The following NREP variants were observed in gnomAD, a reference collection of about 807,000 sequenced individuals.
The protein encoded by NREP is neuronal regeneration-related protein.
A neutral mutation model predicts 8.6 loss-of-function variants in NREP; 5 were observed. That is an observed-to-expected ratio of 0.58 (90% confidence interval 0.30 to 1.22). NREP has a LOEUF of 1.22. Among genes scored for constraint, NREP ranks in the 50% most tolerant of loss-of-function variants. NREP has a pLI of 0.07. For missense variants in NREP, 86 were observed against 82.5 expected, an observed-to-expected ratio of 1.04 and a Z score of -0.17; for synonymous variants, 27 against 28.0, an observed-to-expected ratio of 0.96 and a Z score of 0.11.
chr5:111,928,240 T>A (rs1755444270), intron 2 of NREP, among the ~76,000 whole-genome samples: 1 of 152,188 alleles, frequency 6.6e-6, no homozygotes, highest in African/African-American at 2.4e-5. Context: ...AGAATTTTTA[T>A]CATAAATTTA....
chr5:111,729,856 G>C lies in NREP; in HGVS notation c.*1065C>G, dbSNP rs1748393734. 1.3e-5 allele frequency: 2 copies of C among 152,556 alleles called. No individual in the cohort carries two copies. The highest frequency in any genetic ancestry group is 4.8e-5 in the African/African-American group (2 of 41,406). The allele number at this position is 152,556 out of a possible 1,614,324, so 9.5% of individuals were successfully genotyped here. On this transcript the variant is annotated 3_prime_UTR_variant, in exon 4 of 4. Transcript: ENST00000257435. ...AAAGTATCATGATTTTGTAGACCTT[G>C]TTTTCCAATTTAATATTTGGAAAAG...
intron 2 of NREP, among the ~76,000 whole-genome samples, chr5:111,931,840 T>A (rs1294657621): frequency 6.6e-6 from 1 of 152,084 alleles, no homozygotes; most frequent in Non-Finnish European, 1.5e-5. Flanking sequence ...TAATGCTCTT[T>A]GAGATAAATA....
chr5:111,816,352 G>T (rs1295049259), intron 2 of NREP, among the ~76,000 whole-genome samples: 1 of 152,026 alleles, frequency 6.6e-6, no homozygotes, highest in Non-Finnish European at 1.5e-5. Flanking sequence ...AAATAAGAAG[G>T]TAAATATAAA....
At chr5:111,731,815 G>C (rs1409109698) in intron 3 of NREP, 1 of 152,254 alleles carries the variant, frequency 6.6e-6, no homozygotes, top group African/African-American at 2.4e-5. Flanking sequence ...CTGATCCGCC[G>C]CCACGTGGCT....
chr5:111,872,339 G>A (rs1753809586), intron 2 of NREP, among the ~76,000 whole-genome samples: 1 of 152,118 alleles, frequency 6.6e-6, no homozygotes, highest in Non-Finnish European at 1.5e-5. Flanking sequence ...AGCTGATTGG[G>A]TGAGGCCTCT....
At chr5:111,871,846 CTATA>C (rs141111202) in intron 2 of NREP, among the ~76,000 whole-genome samples, 3 of 144,418 alleles carry the variant, frequency 2.1e-5, no homozygotes, top group South Asian at 2.2e-4. Flanking sequence ...GTAGTACAGA[CTATA>C]TATATATATA....
intron 2 of NREP, among the ~76,000 whole-genome samples, chr5:111,899,478 G>A (rs1754590487): frequency 6.6e-6 from 1 of 151,958 alleles, no homozygotes; most frequent in Non-Finnish European, 1.5e-5. Flanking sequence ...TGTGCCACTA[G>A]AGTCCAGCCT....
intron 2 of NREP, among the ~76,000 whole-genome samples, chr5:111,941,040 G>A (rs570613893): frequency 1.3e-5 from 2 of 152,038 alleles, no homozygotes; most frequent in Admixed American, 1.3e-4. Flanking sequence ...AGCAAACCCT[G>A]ATTCTTGCTT....
chr5:111,946,093 CACACACACAT>C (rs1343789862), intron 2 of NREP, among the ~76,000 whole-genome samples: 13 of 127,994 alleles, frequency 1.0e-4, no homozygotes, highest in South Asian at 6.5e-4. Context: ...CACACACACA[CACACACACAT>C]AAGAAAATAA....
At chr5:111,902,673 A>G (rs965505923) in intron 2 of NREP, among the ~76,000 whole-genome samples, 4 of 152,196 alleles carry the variant, frequency 2.6e-5, no homozygotes, top group Non-Finnish European at 4.4e-5. Context: ...TCTTATTACA[A>G]GAACGTTTTG....
chr5:111,765,802 T>G (rs1751068631), intron 2 of NREP, among the ~76,000 whole-genome samples: 1 of 152,222 alleles, frequency 6.6e-6, no homozygotes, highest in African/African-American at 2.4e-5. Flanking sequence ...CTTCTTGATT[T>G]TTTTTGCTGA....
intron 2 of NREP, among the ~76,000 whole-genome samples, chr5:111,856,521 T>G (rs1753431526): frequency 1.3e-5 from 2 of 152,094 alleles, no homozygotes; most frequent in Admixed American, 1.3e-4. Context: ...GATGGGAGAT[T>G]AAGAGGAAAG....
chr5:111,919,919 G>GAAAGAAAGAAAGAAAC lies in NREP; in HGVS notation c.135+55354_135+55355insGTTTCTTTCTTTCTTT, dbSNP rs1342506108. On this transcript the variant is annotated intron_variant, in intron 2 of 3. Coordinates refer to the NREP transcript ENST00000395634. ...AGAAAGAAAGAAAGAAAGAAAGAAA[G>GAAAGAAAGAAAGAAAC]ATCTGAACTGTCCATTATGTAGTAA... is the stretch of plus-strand genomic sequence containing the variant. 2.5e-3 allele frequency among the ~76,000 whole-genome samples: 358 copies of GAAAGAAAGAAAGAAAC among 143,276 alleles called. 5 individuals are homozygous for GAAAGAAAGAAAGAAAC. In the East Asian group the frequency reaches 0.029, roughly 12 times the overall value. The allele number at this position is 143,276 out of a possible 152,430, so 94.0% of individuals were successfully genotyped here. A position where few individuals can be genotyped will look rare whatever the true frequency, so the allele number is the denominator to read the frequency against.
chr5:111,926,712 A>AG (rs1338814400), intron 2 of NREP, among the ~76,000 whole-genome samples: 1 of 151,902 alleles, frequency 6.6e-6, no homozygotes, highest in African/African-American at 2.4e-5. Flanking sequence ...CTAGAAAGAG[A>AG]GGGGGAAGAA....
upstream of NREP, among the ~76,000 whole-genome samples, chr5:111,762,587 A>T (rs1410182462): frequency 6.6e-6 from 1 of 152,188 alleles, no homozygotes; most frequent in African/African-American, 2.4e-5. Flanking sequence ...TCTAACCTGA[A>T]GTGACCAGTG....
chr5:111,742,396 C>A (rs764809793), intron 2 of NREP, among the ~76,000 whole-genome samples: 1 of 151,990 alleles, frequency 6.6e-6, no homozygotes, highest in Non-Finnish European at 1.5e-5. Flanking sequence ...TAACTAGGCA[C>A]AGAAAGGAAA....
chr5:111,969,889 G>A (rs1319345072), intron 2 of NREP, among the ~76,000 whole-genome samples: 1 of 152,180 alleles, frequency 6.6e-6, no homozygotes, highest in East Asian at 1.9e-4. Context: ...GTGGGGACTA[G>A]TGAAGGAAAG....
intron 2 of NREP, among the ~76,000 whole-genome samples, chr5:111,820,773 A>C (rs1752498301): frequency 6.6e-6 from 1 of 152,208 alleles, no homozygotes; most frequent in African/African-American, 2.4e-5. Flanking sequence ...ATATTAGATA[A>C]GATATAAAGA....
In NREP at chr5:111,886,540, T is replaced by C. The variant is rs1196958721; in HGVS notation, c.135+88734A>G. 1.3e-4 allele frequency among the ~76,000 whole-genome samples: 19 copies of C among 151,424 alleles called. 1 individual carries two copies. In the East Asian group the frequency reaches 1.9e-3, roughly 15 times the overall value. On this transcript the variant is annotated intron_variant, in intron 2 of 3. Coordinates refer to the NREP transcript ENST00000395634. ...ATGCACACGTATGTTTATTGCGGCA[T>C]TATTCACAATAGCAAAGACTTGGAA...
Sources: allele counts gnomAD v4.1 joint callset (sites outside exome capture counted in the v4.1 genomes callset), GRCh38; gene constraint gnomAD v4.1.1; transcripts MANE v1.5; gene names NCBI Gene and HGNC (gene_info 2026-07-23, HGNC 2026-07-21).